The following PITPNM3 variants were observed in gnomAD, a reference collection of about 807,000 sequenced individuals.
PITPNM3 encodes PITPNM family member 3.
Under a neutral mutation model 102.0 loss-of-function variants are expected in PITPNM3, and 26 were observed. The observed-to-expected ratio is 0.25, with a 90% CI of 0.19 to 0.35. PITPNM3 has a LOEUF of 0.35. PITPNM3 is among the 10% of genes least tolerant of loss of function. PITPNM3 has a pLI of 1.00. For synonymous variants in PITPNM3, 578 were observed against 558.6 expected, an observed-to-expected ratio of 1.03 and a Z score of -0.49; for missense variants, 1,083 against 1,346.1, an observed-to-expected ratio of 0.80 and a Z score of 3.06.
chr17:6,555,145 G>T (rs1468433709), intron 1 of PITPNM3, among the ~76,000 whole-genome samples: 1 of 152,190 alleles, frequency 6.6e-6, no homozygotes, highest in Non-Finnish European at 1.5e-5. Context: ...CTCAGGAGGG[G>T]AAAAGGGAGG....
intron 3 of PITPNM3, among the ~76,000 whole-genome samples, chr17:6,516,019 A>T (rs1908151798): frequency 6.6e-6 from 1 of 152,214 alleles, no homozygotes; most frequent in Admixed American, 6.5e-5. Flanking sequence ...TGTCTCTACA[A>T]AAAATTAGGC....
At chr17:6,543,506 A>G (rs1193267201) in intron 1 of PITPNM3, among the ~76,000 whole-genome samples, 1 of 152,236 alleles carries the variant, frequency 6.6e-6, no homozygotes, top group African/African-American at 2.4e-5. Context: ...AGGGGAAGAC[A>G]TTTCACAGTG....
chr17:6,452,271 T>C lies in PITPNM3; in HGVS notation c.*3067A>G, dbSNP rs541900577. 6.6e-6 allele frequency: 1 copy of C among 152,270 alleles called. No individual in the cohort carries two copies. Among genetic ancestry groups the C allele is most frequent in the South Asian group, 2.1e-4 (1 of 4,822 alleles). 9.4% of individuals were successfully genotyped at this position (152,270 alleles called of 1,614,324 possible). On this transcript the variant is annotated 3_prime_UTR_variant, in exon 20 of 20. Transcript: ENST00000262483. ...ATCTTTAGGAAAAAACCCATGATGC[T>C]GGAAGAGCAGGTCCTGGGCTAAGGA...
chr17:6,494,702 G>T (rs143972084), intron 4 of PITPNM3, among the ~76,000 whole-genome samples: 248 of 152,252 alleles, frequency 1.6e-3, no homozygotes, highest in African/African-American at 5.5e-3. Flanking sequence ...TTCATTCATT[G>T]CTGGTGAGAG....
At chr17:6,482,451 T>C (rs1376743366) in intron 6 of PITPNM3, among the ~76,000 whole-genome samples, 1 of 152,172 alleles carries the variant, frequency 6.6e-6, no homozygotes. Flanking sequence ...ACCTTATGCA[T>C]CTCTTCATCT....
chr17:6,531,477 C>T (rs964644822), intron 2 of PITPNM3, among the ~76,000 whole-genome samples: 2 of 152,246 alleles, frequency 1.3e-5, no homozygotes, highest in African/African-American at 4.8e-5. Flanking sequence ...TTACCCATGG[C>T]TTCTGGCCAG....
At position 6,503,526 on chromosome 17, in the gene PITPNM3, C is replaced by T. The variant is rs752594917; in HGVS notation, c.274+1G>A. 7 of 1,612,708 alleles carry T rather than the reference C, an allele frequency of 4.3e-6. No homozygotes were observed. Among genetic ancestry groups the T allele is most frequent in the South Asian group, 2.2e-5 (2 of 91,070 alleles). On this transcript the variant is annotated splice_donor_variant, in intron 4 of 19. Transcript: ENST00000262483. LOFTEE classifies it high-confidence loss of function. Reference sequence around the variant, plus strand: ...ACCCCACAGGGTCAGGCTTGACTCACGCTGCTTCTCCTGGAGGATGCTGGA... The same window carrying T: ...ACCCCACAGGGTCAGGCTTGACTCATGCTGCTTCTCCTGGAGGATGCTGGA...
chr17:6,525,208 G>T, intron 3 of PITPNM3, 148 bp downstream of exon 3: 1 of 750,116 alleles, frequency 1.3e-6, no homozygotes, highest in Non-Finnish European at 2.4e-6. Flanking sequence ...CCTGTAAGTG[G>T]CAAAATTCAG....
intron 3 of PITPNM3, among the ~76,000 whole-genome samples, chr17:6,520,410 A>G (rs1298684919): frequency 2.0e-5 from 3 of 152,232 alleles, no homozygotes; most frequent in Non-Finnish European, 4.4e-5. Flanking sequence ...ATTATGGTAC[A>G]ACTATAGTAG....
chr17:6,522,339 C>G (rs541547862), intron 3 of PITPNM3, among the ~76,000 whole-genome samples: 3 of 151,762 alleles, frequency 2.0e-5, no homozygotes, highest in Non-Finnish European at 4.4e-5. Flanking sequence ...CCCTTGAGAA[C>G]TGGAGGGATG....
chr17:6,486,864 C>T (rs1412323160), intron 4 of PITPNM3, among the ~76,000 whole-genome samples: 1 of 152,208 alleles, frequency 6.6e-6, no homozygotes, highest in Admixed American at 6.5e-5. Context: ...CCCACAATTA[C>T]TCTCTGAGTC....
intron 4 of PITPNM3, among the ~76,000 whole-genome samples, chr17:6,500,070 G>A (rs966508236): frequency 6.6e-6 from 1 of 152,142 alleles, no homozygotes; most frequent in African/African-American, 2.4e-5. Context: ...GTAAACTGAG[G>A]CTGAGAGACA....
chr17:6,471,744 G>A lies in PITPNM3; in HGVS notation c.1430-389C>T, dbSNP rs142680912. Among the ~76,000 whole-genome samples the A allele has an allele frequency of 2.1e-3, 318 of 152,184 alleles. 1 individual carries two copies. Among genetic ancestry groups the A allele is most frequent in the African/African-American group, 7.1e-3 (293 of 41,504 alleles). ...CTCTCTTATCCAACTCCTCCCCTGC[G>A]CCACAAAGAATTGAGGCTGCCTCTG... On this transcript the variant is annotated intron_variant, in intron 11 of 19. Transcript: ENST00000262483.
At position 6,556,407 on chromosome 17, in the gene PITPNM3, G is replaced by A; in HGVS notation, c.-1C>T. On this transcript the variant is annotated 5_prime_UTR_variant, in exon 1 of 20. Transcript: ENST00000262483. The surrounding 1 kb of genome is among the most constrained non-coding windows in gnomAD (Gnocchi z 5.2). The stretch of plus-strand genomic sequence containing the variant: ...CACCTGCACGGCCCGCCTTGGCCAT[G>A]TCCCGGGCGGCGGGCTCCGGCGGCG... 7.6e-7 allele frequency: 1 copy of A among 1,312,194 alleles called. No homozygotes were observed. Among genetic ancestry groups the A allele is most frequent in the Non-Finnish European group, 9.7e-7 (1 of 1,030,766 alleles). 81.3% of individuals were successfully genotyped at this position (1,312,194 alleles called of 1,614,324 possible). A position where few individuals can be genotyped will look rare whatever the true frequency, so the allele number is the denominator to read the frequency against.
chr17:6,507,448 G>T (rs982004833), intron 3 of PITPNM3, among the ~76,000 whole-genome samples: 1 of 152,116 alleles, frequency 6.6e-6, no homozygotes, highest in African/African-American at 2.4e-5. Context: ...GCTGGGCGTG[G>T]TGGCGCATGC....
intron 2 of PITPNM3, among the ~76,000 whole-genome samples, chr17:6,531,577 C>A (rs563319100): frequency 2.6e-5 from 4 of 152,258 alleles, no homozygotes; most frequent in Admixed American, 6.5e-5. Context: ...CCATCCTGCA[C>A]TACGGACTCT....
At position 6,461,438 on chromosome 17, in the gene PITPNM3, A is replaced by G; in HGVS notation, c.2425T>C (p.Ser809Pro). The G allele has an allele frequency of 6.2e-7, 1 of 1,614,120 alleles. No homozygotes were observed. The highest frequency in any genetic ancestry group is 8.5e-7 in the Non-Finnish European group (1 of 1,180,018). The change falls in exon 18 of 20, where the codon TCC becomes CCC. Residue 809 changes from serine to proline, a missense_variant. Physicochemically the swap from Ser to Pro is moderately conservative, Grantham distance 74. This residue lies in a region of PITPNM3 where 410 missense variants were observed against 638.4 expected (regional missense o/e 0.64). Transcript: ENST00000262483. ...HNFPQGMIFFSDGLVHDPLRQ... is the reference protein window; with the variant it reads ...HNFPQGMIFFPDGLVHDPLRQ... ...AGCGGGTCATGCACCAGCCCATCGG[A>G]GAAGAAGATCATGCCCTGTGGGAAG...
Position 6,459,550 on chromosome 17 carries a change from T to A in PITPNM3, c.2490+1823A>T, listed in dbSNP as rs1278283414. Among the ~76,000 whole-genome samples the A allele has an allele frequency of 6.6e-6, 1 of 152,118 alleles. No homozygotes were observed. Among genetic ancestry groups the A allele is most frequent in the Admixed American group, 6.5e-5 (1 of 15,284 alleles). ...CCTAAGCCATATCAGGTCCCGTGGC[T>A]GTATCAGCCTTGACATGTCCACAGC... On this transcript the variant is annotated intron_variant, in intron 18 of 19. Transcript: ENST00000262483. This position sits in a 1 kb window ranked among gnomAD's most constrained non-coding sequence, Gnocchi z 5.0.
chr17:6,476,663 G>T (rs1164497281), intron 9 of PITPNM3, among the ~76,000 whole-genome samples: 1 of 152,192 alleles, frequency 6.6e-6, no homozygotes, highest in Non-Finnish European at 1.5e-5. Context: ...CACCTCGGGT[G>T]ACTCACAAAA....
Sources: gnomAD v4.1 joint callset for allele counts (sites outside exome capture counted in the v4.1 genomes callset) on GRCh38, gnomAD v4.1.1 for gene constraint, gnomAD v4.1.1 regional missense constraint, Gnocchi (gnomAD v3.1) non-coding constraint, MANE v1.5 for transcripts, NCBI Gene and HGNC (gene_info 2026-07-23, HGNC 2026-07-21) for gene names.